Variants in CEP57L1 observed in about 807,000 individuals in gnomAD.
CEP57L1 encodes centrosomal protein CEP57L1.
A neutral mutation model predicts 61.0 loss-of-function variants in CEP57L1; 37 were observed. The observed-to-expected ratio is 0.61, with a 90% CI of 0.47 to 0.80. The LOEUF (loss-of-function observed/expected upper bound fraction) is 0.80, where lower values mean the gene tolerates loss of function less well. Ranked by LOEUF, CEP57L1 falls within the 30% of genes least tolerant of loss-of-function variation. The pLI, the probability that CEP57L1 is intolerant of heterozygous loss-of-function variation, is 0.00. For missense variants in CEP57L1, 422 were observed against 524.7 expected (o/e 0.80, Z 1.91); for synonymous variants, 137 against 162.3 (o/e 0.84, Z 1.19).
At position 109,145,340 on chromosome 6, in the gene CEP57L1, A is replaced by AAT. The variant is rs1771847635; in HGVS notation, c.120_121insTA (p.Val41Ter). On this transcript the variant is annotated frameshift_variant, in exon 2 of 11. Coordinates refer to ENST00000517392, the MANE Select transcript of CEP57L1 (RefSeq NM_001271852.3). LOFTEE classifies it high-confidence loss of function. Reference sequence around the variant, plus strand: ...CAGAATTGCCATCCTGCAAACTTAGAAGTTACCTCTCCTAAGATACTTCAT... The same window carrying AAT: ...CAGAATTGCCATCCTGCAAACTTAGAATAGTTACCTCTCCTAAGATACTTCAT... 1 of 1,611,326 alleles carries AAT rather than the reference A, an allele frequency of 6.2e-7. No homozygotes were observed. Among genetic ancestry groups the AAT allele is most frequent in the African/African-American group, 1.3e-5 (1 of 74,850 alleles).
In CEP57L1 at chr6:109,159,014, C is replaced by T. The variant is rs1239060097; in HGVS notation, c.745-11C>T. On this transcript the variant is annotated splice_polypyrimidine_tract_variant and intron_variant, in intron 7 of 10. Transcript: ENST00000517392. ...ATTTCTTGTTTACGTTTTTTTCTTG[C>T]CAATCTCTAGAAAACTAAATGTATA... 1 of 1,589,158 alleles carries T rather than the reference C, an allele frequency of 6.3e-7. No homozygotes were observed. The highest frequency in any genetic ancestry group is 1.4e-5 in the African/African-American group (1 of 73,268).
At position 109,162,731 on chromosome 6, in the gene CEP57L1, A is replaced by ATTTTT; in HGVS notation, c.1162-13_1162-9dup. ...AGTATATTTTTGACTAAAATGTTAG[A>ATTTTT]TTTTTTTTTCTCTCCAGGTCTGTAA... is the stretch of plus-strand genomic sequence containing the variant. On this transcript the variant is annotated splice_polypyrimidine_tract_variant and intron_variant, in intron 10 of 10. Transcript: ENST00000517392. 2 of 1,512,444 alleles carry ATTTTT rather than the reference A, an allele frequency of 1.3e-6. No homozygotes were observed. Among genetic ancestry groups the ATTTTT allele is most frequent in the Non-Finnish European group, 1.8e-6 (2 of 1,106,340 alleles). 93.7% of individuals were successfully genotyped at this position (1,512,444 alleles called of 1,614,324 possible).
chr6:109,136,562 A>AT (rs34654708), intron 1 of CEP57L1, among the ~76,000 whole-genome samples: 2 of 3,768 alleles, frequency 5.3e-4, no homozygotes, highest in Non-Finnish European at 7.2e-4. Context: ...CTATAAGTAT[A>AT]AAAAAAAAAA....
intron 1 of CEP57L1, among the ~76,000 whole-genome samples, chr6:109,105,419 A>G (rs1770809692): frequency 1.3e-5 from 2 of 152,342 alleles, no homozygotes; most frequent in South Asian, 4.1e-4. Context: ...GAATATTGGC[A>G]TAGTGAATAT....
rs1773483014 is a variant in CEP57L1, at chr6:109,159,060, A to AAGG, written c.781_782insGGA (p.Gln260_Ile261insArg). The AAGG allele has an allele frequency of 1.9e-6, 3 of 1,613,868 alleles. No individual in the cohort carries two copies. In the East Asian group the frequency reaches 6.7e-5, roughly 36 times the overall value. ...GTATAAAGAGACGACCACCTTGGCA[A>AAGG]ATTTGTTCAAAGTTTGGAGCACTGC... is the stretch of plus-strand genomic sequence containing the variant. On this transcript the variant is annotated inframe_insertion, in exon 8 of 11. Transcript: ENST00000517392.
upstream of CEP57L1, chr6:109,095,179 G>T: frequency 1.0e-6 from 1 of 985,554 alleles, no homozygotes; most frequent in Non-Finnish European, 1.2e-6. Context: ...CCCCGGAGGC[G>T]CTAAGCTTGC....
intron 1 of CEP57L1, among the ~76,000 whole-genome samples, chr6:109,109,091 A>C (rs747349545): frequency 8.5e-5 from 13 of 152,152 alleles, no homozygotes; most frequent in Non-Finnish European, 1.5e-4. Flanking sequence ...TTCTATTATC[A>C]GTTGTTATTT....
At chr6:109,099,359 G>T (rs1001002213) in intron 1 of CEP57L1, among the ~76,000 whole-genome samples, 2 of 152,046 alleles carry the variant, frequency 1.3e-5, no homozygotes, top group Non-Finnish European at 2.9e-5. Context: ...GAAGCAAAAT[G>T]AAGAAAGTAA....
At chr6:109,108,967 G>C (rs746074208) in intron 1 of CEP57L1, among the ~76,000 whole-genome samples, 1 of 152,134 alleles carries the variant, frequency 6.6e-6, no homozygotes, top group Non-Finnish European at 1.5e-5. Flanking sequence ...ATACACAAAT[G>C]CTAGAATTCG....
rs1774410942 is a variant in CEP57L1 at position 109,171,585 on chromosome 6, C to G, written c.*8615C>G. On this transcript the variant is annotated 3_prime_UTR_variant, in exon 11 of 11. Coordinates refer to ENST00000517392, the MANE Select transcript of CEP57L1 (RefSeq NM_001271852.3). ...TTAAACCGTTCTACTAAAATACTATCAGTTTAAACTACCATCTACAGAAAT... is the reference window on the plus strand; with the variant it reads ...TTAAACCGTTCTACTAAAATACTATGAGTTTAAACTACCATCTACAGAAAT... Among the ~76,000 whole-genome samples the G allele has an allele frequency of 6.6e-6, 1 of 152,074 alleles. No individual in the cohort carries two copies.
At chr6:109,145,857 A>C (rs997840887) in intron 2 of CEP57L1, among the ~76,000 whole-genome samples, 4 of 151,986 alleles carry the variant, frequency 2.6e-5, no homozygotes, top group Admixed American at 2.0e-4. Context: ...GGAGGATCTT[A>C]AAATTGAATT....
chr6:109,150,360 G>A (rs968587585), intron 4 of CEP57L1, 121 bp downstream of exon 4: 9 of 1,164,226 alleles, frequency 7.7e-6, no homozygotes, highest in Admixed American at 4.8e-5. Context: ...TCTAACTTAC[G>A]TGTAATTGGA....
chr6:109,145,968 C>T (rs1771917932), intron 2 of CEP57L1, among the ~76,000 whole-genome samples: 1 of 151,828 alleles, frequency 6.6e-6, no homozygotes, highest in Non-Finnish European at 1.5e-5. Context: ...ATAATGGTTG[C>T]TGTTAATAAA....
intron 10 of CEP57L1, among the ~76,000 whole-genome samples, chr6:109,162,058 C>T: frequency 6.6e-6 from 1 of 152,054 alleles, no homozygotes; most frequent in South Asian, 2.1e-4. Flanking sequence ...ATATACTACT[C>T]AAGGTGATAA....
intron 1 of CEP57L1, among the ~76,000 whole-genome samples, chr6:109,110,761 A>G (rs998757937): frequency 6.6e-6 from 1 of 152,218 alleles, no homozygotes; most frequent in African/African-American, 2.4e-5. Flanking sequence ...CAGTTTTCCC[A>G]GCACCATTTA....
rs563439335 is a variant in CEP57L1 at position 109,141,564 on chromosome 6, T to C, written c.-3-3655T>C. ...TTGAAGTATTTATGTTACATTCGTG[T>C]ATTTACTAGTTTCTATTGACCAGTT... is the stretch of plus-strand genomic sequence containing the variant. On this transcript the variant is annotated intron_variant, in intron 1 of 10. Transcript: ENST00000517392. Among the ~76,000 whole-genome samples, 6 of 152,294 alleles carry C rather than the reference T, an allele frequency of 3.9e-5. No homozygotes were observed. In the South Asian group the frequency reaches 1.0e-3, roughly 26 times the overall value.
At chr6:109,105,491 T>C (rs915663290) in intron 1 of CEP57L1, among the ~76,000 whole-genome samples, 1 of 152,216 alleles carries the variant, frequency 6.6e-6, no homozygotes, top group African/African-American at 2.4e-5. Flanking sequence ...TTCCCACATA[T>C]GTAAAAGTTT....
At chr6:109,112,621 CT>C (rs1301327461) in intron 1 of CEP57L1, among the ~76,000 whole-genome samples, 1 of 152,094 alleles carries the variant, frequency 6.6e-6, no homozygotes, top group African/African-American at 2.4e-5. Context: ...GAATTTTGAT[CT>C]TTCCTGCTTT....
At chr6:109,116,183 T>C (rs373320735) in intron 1 of CEP57L1, among the ~76,000 whole-genome samples, 1 of 139,684 alleles carries the variant, frequency 7.2e-6, no homozygotes, top group African/African-American at 2.7e-5. Flanking sequence ...TGTTATGTTA[T>C]GTTACTTTTT....
Sources: allele counts gnomAD v4.1 joint callset (sites outside exome capture counted in the v4.1 genomes callset), GRCh38; gene constraint gnomAD v4.1.1; transcripts MANE v1.5; gene names NCBI Gene and HGNC (gene_info 2026-07-23, HGNC 2026-07-21).